LTBP2: variants seen among roughly 807,000 people sequenced by gnomAD.
LTBP2 encodes the protein latent transforming growth factor beta binding protein 2, also known as latent-transforming growth factor beta-binding protein 2.
LTBP2 carries 103 observed loss-of-function variants against 210.6 expected under a neutral mutation model. The observed-to-expected ratio is 0.49, with a 90% CI of 0.42 to 0.58. The LOEUF (loss-of-function observed/expected upper bound fraction) is 0.58. Among genes scored for constraint, LTBP2 ranks in the 20% least tolerant of loss-of-function variants. LTBP2 has a pLI of 0.00. For synonymous variants in LTBP2, 1,007 were observed against 1,015.0 expected (o/e 0.99, Z 0.15); for missense variants, 2,313 against 2,494.5 (o/e 0.93, Z 1.55).
Position 74,528,691 on chromosome 14 carries a change from G to T in LTBP2, c.2160C>A (p.Phe720Leu), listed in dbSNP as rs74758312. ...EKCPLPGTEAFREICPAGHGY... is the reference protein window; with the variant it reads ...EKCPLPGTEALREICPAGHGY... ...CGTGGCCGGCAGGGCAGATCTCTCT[G>T]AAGGCCTCTGCAAAGCCAACAGCCA... is the stretch of plus-strand genomic sequence containing the variant. The change falls in exon 12 of 36, where the codon TTC becomes TTA. Residue 720 changes from phenylalanine (F) to leucine (L), a missense_variant. Physicochemically the swap from Phe to Leu is conservative, Grantham distance 22. Transcript: ENST00000261978. 2 of 1,611,916 alleles carry T rather than the reference G, an allele frequency of 1.2e-6. No homozygotes were observed. Among genetic ancestry groups the T allele is most frequent in the Admixed American group, 3.3e-5 (2 of 60,034 alleles).
intron 10 of LTBP2, 146 bp from the exon 11 acceptor site, chr14:74,529,268 C>A (rs2087320099): frequency 3.3e-6 from 3 of 922,862 alleles, no homozygotes; most frequent in East Asian, 5.2e-5. Flanking sequence ...TGGAGCCCTG[C>A]AAATGCTCAC....
Position 74,500,383 on chromosome 14 carries a change from T to G in LTBP2, c.*501A>C, listed in dbSNP as rs1595234374. 1 of 330,468 alleles carries G rather than the reference T, an allele frequency of 3.0e-6. No individual in the cohort carries two copies. The highest frequency in any genetic ancestry group is 4.8e-5 in the South Asian group (1 of 20,770). The allele number at this position is 330,468 out of a possible 1,614,324, so 20.5% of individuals were successfully genotyped here. ...CAGATTGGCTGAGTGGTGGTGATGGTTCTTAGGAGGGGGCTCTGGAGTCAG... is the reference window on the plus strand; with the variant it reads ...CAGATTGGCTGAGTGGTGGTGATGGGTCTTAGGAGGGGGCTCTGGAGTCAG... On this transcript the variant is annotated 3_prime_UTR_variant, in exon 36 of 36. Transcript: ENST00000261978.
At chr14:74,547,470 A>T (rs1273133493) in intron 8 of LTBP2, among the ~76,000 whole-genome samples, 1 of 152,096 alleles carries the variant, frequency 6.6e-6, no homozygotes, top group African/African-American at 2.4e-5. Flanking sequence ...GCCCTTCTGG[A>T]AGCCTGTTTC....
In LTBP2 at chr14:74,532,695, C is replaced by T. The variant is rs1057041173; in HGVS notation, c.1865-147G>A. On this transcript the variant is annotated intron_variant, in intron 9 of 35. Transcript: ENST00000261978. ...ATTCAGTGGGATTCCTCTCCCTGTG[C>T]CTCAGTTTCCTCATTTGTAAAATGA... is the stretch of plus-strand genomic sequence containing the variant. 3 of 853,896 alleles carry T rather than the reference C, an allele frequency of 3.5e-6. No individual in the cohort carries two copies. The African/African-American group carries it at 5.0e-5, about 14-fold the overall frequency. The allele number at this position is 853,896 out of a possible 1,614,324, so 52.9% of individuals were successfully genotyped here.
At chr14:74,501,128 G>T in intron 35 of LTBP2, 99 bp from the exon 36 acceptor site, 1 of 1,402,324 alleles carries the variant, frequency 7.1e-7, no homozygotes, top group South Asian at 1.2e-5. Context: ...GCCCTAGAGT[G>T]AAACCCTAAG....
At chr14:74,573,236 C>T (rs907063407) in intron 3 of LTBP2, among the ~76,000 whole-genome samples, 1 of 152,206 alleles carries the variant, frequency 6.6e-6, no homozygotes, top group African/African-American at 2.4e-5. Context: ...GAGAGCTAGG[C>T]TGGAATCGCC....
intron 1 of LTBP2, among the ~76,000 whole-genome samples, chr14:74,609,809 T>C (rs2088579218): frequency 6.6e-6 from 1 of 152,238 alleles, no homozygotes; most frequent in Non-Finnish European, 1.5e-5. Flanking sequence ...TATTAAGTAA[T>C]TGGGTTGCTC....
chr14:74,519,889 G>A (rs1348701143), intron 17 of LTBP2, among the ~76,000 whole-genome samples: 1 of 152,186 alleles, frequency 6.6e-6, no homozygotes, highest in Admixed American at 6.5e-5. Context: ...CCACCTAGAC[G>A]ATTGGAGCCC....
At chr14:74,559,027 T>C (rs948150059) in intron 3 of LTBP2, among the ~76,000 whole-genome samples, 3 of 152,178 alleles carry the variant, frequency 2.0e-5, no homozygotes, top group Non-Finnish European at 4.4e-5. Flanking sequence ...AGTGAGACCA[T>C]GCAATTATTT....
At chr14:74,568,991 G>A (rs1255116277) in intron 3 of LTBP2, among the ~76,000 whole-genome samples, 1 of 152,102 alleles carries the variant, frequency 6.6e-6, no homozygotes, top group Non-Finnish European at 1.5e-5. Flanking sequence ...TACCCACACT[G>A]CCCAGGGATG....
chr14:74,565,150 C>T (rs575268951), intron 3 of LTBP2, among the ~76,000 whole-genome samples: 2 of 152,280 alleles, frequency 1.3e-5, no homozygotes, highest in South Asian at 4.1e-4. Context: ...GTGCCTGTTA[C>T]AGGCCATGCA....
intron 6 of LTBP2, among the ~76,000 whole-genome samples, 183 bp downstream of exon 6, chr14:74,552,004 G>A (rs573013938): frequency 3.9e-5 from 6 of 152,238 alleles, no homozygotes; most frequent in African/African-American, 1.4e-4. Flanking sequence ...AAATTCCGAT[G>A]GGAGGGGGCT....
rs192364413 is a variant in LTBP2, at chr14:74,529,547, C to T, written c.1988-425G>A. Among the ~76,000 whole-genome samples the T allele has an allele frequency of 1.5e-4, 23 of 152,254 alleles. No homozygotes were observed. In the East Asian group the frequency reaches 4.1e-3, roughly 27 times the overall value. ...AGGAGCTAAGGCCGGATGGGGAGCT[C>T]GGAGGACAGGGACCCTATCTTGGGT... On this transcript the variant is annotated intron_variant, in intron 10 of 35. Coordinates refer to ENST00000261978, the MANE Select transcript of LTBP2 (RefSeq NM_000428.3).
rs1404835809 is a variant in LTBP2 at position 74,508,109 on chromosome 14, G to A, written c.3653-14C>T. On this transcript the variant is annotated splice_polypyrimidine_tract_variant and intron_variant, in intron 24 of 35. Coordinates refer to ENST00000261978, the MANE Select transcript of LTBP2 (RefSeq NM_000428.3). ...ACTCGTCCACATCTAGAGTAGAGAT[G>A]GCTGTCAGCAGACCCAGCCACGGGT... The A allele has an allele frequency of 1.4e-5, 23 of 1,613,354 alleles. No individual in the cohort carries two copies. Among genetic ancestry groups the A allele is most frequent in the Non-Finnish European group, 1.9e-5 (23 of 1,179,962 alleles).
rs3815329 is a variant in LTBP2 at position 74,507,037 on chromosome 14, A to G, written c.3907+142T>C. ...CATTCACAGTCCTGTGGCATCTTTC[A>G]TAAGCTCTGCTGGATGGAAAATATA... On this transcript the variant is annotated intron_variant, in intron 26 of 35. Transcript: ENST00000261978. The G allele has an allele frequency of 0.29, 446,586 of 1,547,414 alleles. 66,320 individuals carry two copies. Among genetic ancestry groups the G allele is most frequent in the Non-Finnish European group, 0.3 (341,057 of 1,131,726 alleles).
intron 17 of LTBP2, among the ~76,000 whole-genome samples, chr14:74,517,449 C>T (rs1399936711): frequency 2.0e-5 from 3 of 152,124 alleles, no homozygotes; most frequent in African/African-American, 7.2e-5. Context: ...CGGCTCACTG[C>T]AACCTCTGCC....
At chr14:74,592,752 T>C (rs902667216) in intron 2 of LTBP2, among the ~76,000 whole-genome samples, 32 of 152,170 alleles carry the variant, frequency 2.1e-4, no homozygotes, top group African/African-American at 7.5e-4. Context: ...CACTTGATTA[T>C]TGGTCCGTTT....
At chr14:74,574,818 ATCT>A (rs1205266027) in intron 3 of LTBP2, among the ~76,000 whole-genome samples, 3 of 152,190 alleles carry the variant, frequency 2.0e-5, no homozygotes, top group Admixed American at 6.5e-5. Flanking sequence ...AGAGTTTGAG[ATCT>A]TCTTGGGCCA....
intron 15 of LTBP2, among the ~76,000 whole-genome samples, chr14:74,523,966 A>G (rs892750505): frequency 1.3e-5 from 2 of 152,116 alleles, no homozygotes; most frequent in African/African-American, 4.8e-5. Context: ...AGTTTGTGTC[A>G]GCCTTGGGGG....
Sources: allele counts gnomAD v4.1 joint callset (sites outside exome capture counted in the v4.1 genomes callset), GRCh38; gene constraint gnomAD v4.1.1; transcripts MANE v1.5; gene names NCBI Gene and HGNC (gene_info 2026-07-23, HGNC 2026-07-21).